Variants in TRPC5 observed in about 807,000 individuals in gnomAD.
The protein encoded by TRPC5 is short transient receptor potential channel 5.
A neutral mutation model predicts 56.5 loss-of-function variants in TRPC5; 9 were observed. The ratio of observed to expected loss-of-function variants is 0.16; its 90% CI spans 0.10 to 0.28. TRPC5 has a LOEUF of 0.28. TRPC5 is among the 10% of genes least tolerant of loss of function. TRPC5 has a pLI of 1.00. For synonymous variants in TRPC5, 282 were observed against 278.5 expected (o/e 1.01, Z -0.13); for missense variants, 469 against 748.9 (o/e 0.63, Z 4.36).
chrX:112,030,172 A>G (rs1472289413), intron 1 of TRPC5, among the ~76,000 whole-genome samples: 1 of 112,636 alleles, frequency 8.9e-6, no homozygotes, highest in African/African-American at 3.2e-5. Context: ...ACAGAGTAGA[A>G]TTTTATGTGA....
chrX:111,886,310 C>T (rs909289592), intron 3 of TRPC5, among the ~76,000 whole-genome samples: 4 of 112,073 alleles, frequency 3.6e-5, no homozygotes, highest in Non-Finnish European at 5.6e-5. Context: ...TTCTTCCATC[C>T]GGCCTACTTC....
chrX:111,871,392 A>G (rs750266018), intron 3 of TRPC5, among the ~76,000 whole-genome samples: 2 of 110,630 alleles, frequency 1.8e-5, no homozygotes, highest in East Asian at 5.7e-4. Context: ...GTAGTGTGGT[A>G]GGGTTAGGAG....
intron 1 of TRPC5, among the ~76,000 whole-genome samples, chrX:112,022,998 G>T (rs767998346): frequency 3.7e-4 from 41 of 110,432 alleles, no homozygotes; most frequent in Admixed American, 8.6e-4. Context: ...GCAGTGGCGC[G>T]ATCTCGGCTC....
At chrX:111,923,311 T>C (rs1435491871) in intron 2 of TRPC5, among the ~76,000 whole-genome samples, 4 of 112,215 alleles carry the variant, frequency 3.6e-5, no homozygotes, top group Non-Finnish European at 7.5e-5. Flanking sequence ...AAACATTACA[T>C]AACATTGTTT....
intron 1 of TRPC5, among the ~76,000 whole-genome samples, chrX:112,048,973 G>A (rs1238739922): frequency 8.9e-6 from 1 of 112,219 alleles, no homozygotes; most frequent in African/African-American, 3.2e-5. Flanking sequence ...AGCTAAGGGA[G>A]CCTTTCTGCC....
chrX:111,847,210 A>G lies in TRPC5; in HGVS notation c.1604T>C (p.Leu535Pro). 8.3e-7 allele frequency: 1 copy of G among 1,211,924 alleles called. No homozygotes were observed. Residue 535 changes from leucine (L) to proline (P), a missense_variant, in exon 6 of 11, where the codon CTG (leucine) becomes CCG (proline). By Grantham distance (98) the Leu-to-Pro change is moderately conservative. This residue lies in a region of TRPC5 where 157 missense variants were observed against 360.0 expected (regional missense o/e 0.44). Transcript: ENST00000262839. ...TTCATAATAGAAGTAAAGCTGGTTC[A>G]GTCCATTGGCAAAAGCTAGTAGTAC... Reference protein sequence around the residue: ...CLVLLAFANGLNQLYFYYETR... With the variant: ...CLVLLAFANGPNQLYFYYETR...
At chrX:112,050,844 T>C (rs913124841) in intron 1 of TRPC5, among the ~76,000 whole-genome samples, 3 of 112,423 alleles carry the variant, frequency 2.7e-5, no homozygotes, top group Admixed American at 9.4e-5. Flanking sequence ...GCCCATCAGC[T>C]GGGCAAGACA....
intron 1 of TRPC5, among the ~76,000 whole-genome samples, chrX:112,024,427 C>G (rs1929363817): frequency 8.9e-6 from 1 of 111,773 alleles, no homozygotes; most frequent in Non-Finnish European, 1.9e-5. Flanking sequence ...GGACATCAGT[C>G]TTTTCCTACC....
At chrX:111,944,292 GTGTGTGTGT>G in intron 2 of TRPC5, among the ~76,000 whole-genome samples, 1 of 87,413 alleles carries the variant, frequency 1.1e-5, no homozygotes, top group South Asian at 5.3e-4. Flanking sequence ...GTGTGTGTGT[GTGTGTGTGT>G]GTGAGAGAGA....
intron 3 of TRPC5, among the ~76,000 whole-genome samples, chrX:111,868,915 C>T (rs915339246): frequency 9.0e-6 from 1 of 111,445 alleles, no homozygotes; most frequent in African/African-American, 3.3e-5. Flanking sequence ...AGAAGATAGT[C>T]CGGTTGTGTG....
intron 2 of TRPC5, chrX:111,931,087 T>C (rs12012995): frequency 0.27 from 29,783 of 110,628 alleles, 5,016 homozygotes; most frequent in African/African-American, 0.63. Flanking sequence ...CAGTGTTGTG[T>C]CTAGCTTTGG....
intron 2 of TRPC5, among the ~76,000 whole-genome samples, chrX:111,943,597 G>T (rs1184484143): frequency 1.8e-5 from 2 of 112,551 alleles, no homozygotes; most frequent in Non-Finnish European, 3.7e-5. Flanking sequence ...GGCGGGCCAT[G>T]GGGAGAAGGT....
At chrX:111,903,038 C>T (rs982440897) in intron 3 of TRPC5, 6 of 111,907 alleles carry the variant, frequency 5.4e-5, no homozygotes, top group African/African-American at 1.9e-4. Context: ...CCTTAGGCAT[C>T]AAAGCAGGAA....
rs771507460 is a variant in TRPC5, at chrX:112,029,449, C to A, written c.-22+52430G>T. Among the ~76,000 whole-genome samples, 156 of 111,565 alleles carry A rather than the reference C, an allele frequency of 1.4e-3. 1 individual carries two copies. Among genetic ancestry groups the A allele is most frequent in the Middle Eastern group, 4.6e-3 (1 of 216 alleles). On this transcript the variant is annotated intron_variant, in intron 1 of 10. Transcript: ENST00000262839. Reference sequence around the variant, plus strand: ...TTGGCTATCGCTAATAGTGCTGCAACAATCATGGGAGTGCAGGCATCTGTT... The same window carrying A: ...TTGGCTATCGCTAATAGTGCTGCAAAAATCATGGGAGTGCAGGCATCTGTT...
intron 1 of TRPC5, among the ~76,000 whole-genome samples, chrX:112,058,651 T>G (rs1207133271): frequency 1.2e-4 from 13 of 112,235 alleles, no homozygotes; most frequent in Non-Finnish European, 5.6e-5. Flanking sequence ...CATCTTGCCA[T>G]ATACTCTCAT....
At chrX:111,962,313 CT>C (rs1472757648) in intron 1 of TRPC5, among the ~76,000 whole-genome samples, 2 of 112,344 alleles carry the variant, frequency 1.8e-5, no homozygotes, top group Non-Finnish European at 3.8e-5. Context: ...GTCCCTTCCC[CT>C]CTCATATAGT....
rs1945881219 is a variant in TRPC5 at position 111,776,667 on chromosome X, C to T, written c.2568G>A (p.Met856Ile). The T allele has an allele frequency of 1.7e-6, 2 of 1,211,521 alleles. No individual in the cohort carries two copies. The highest frequency in any genetic ancestry group is 3.5e-5 in the African/African-American group (2 of 57,767). Reference sequence around the variant, plus strand: ...ACATTGGCTCTGAACTGGGTTCAGACATATGACCATTAAATTTGGAGAATA... The same window carrying T: ...ACATTGGCTCTGAACTGGGTTCAGATATATGACCATTAAATTTGGAGAATA... Reference protein sequence around the residue: ...GLLFSKFNGHMSEPSSEPMYT... With the variant: ...GLLFSKFNGHISEPSSEPMYT... Residue 856 changes from methionine (M) to isoleucine (I), a missense_variant, in exon 11 of 11, where the codon ATG becomes ATA. This residue lies in a region of TRPC5 where 194 missense variants were observed against 221.8 expected (regional missense o/e 0.87). Transcript: ENST00000262839.
chrX:111,952,127 A>G lies in TRPC5; in HGVS notation c.294T>C (p.Asp98=). 1 of 1,212,320 alleles carries G rather than the reference A, an allele frequency of 8.2e-7. No individual in the cohort carries two copies. Among genetic ancestry groups the G allele is most frequent in the South Asian group, 1.8e-5 (1 of 57,032 alleles). Residue 98 remains aspartate (D), a synonymous_variant, in exon 2 of 11, where the codon GAT becomes GAC. Transcript: ENST00000262839. ...LLLNHSVYVG[D]ALLYAIRKEV... The stretch of plus-strand genomic sequence containing the variant: ...CCTTGCGTATGGCATAGAGCAATGC[A>G]TCACCCACATACACGCTGTGGTTCA...
In TRPC5 at chrX:111,991,652, T is replaced by G. The variant is rs374930897; in HGVS notation, c.-21-39211A>C. Among the ~76,000 whole-genome samples, 6 of 112,320 alleles carry G rather than the reference T, an allele frequency of 5.3e-5. No individual in the cohort carries two copies. The East Asian group carries it at 1.4e-3, about 26-fold the overall frequency. On this transcript the variant is annotated intron_variant, in intron 1 of 10. Coordinates refer to ENST00000262839, the MANE Select transcript of TRPC5 (RefSeq NM_012471.3). ...CCCTTTAGGGCTCCTGCACATCATT[T>G]TCTAAAAACCTGGCAGCAATCTATC...
Sources: allele counts gnomAD v4.1 joint callset (sites outside exome capture counted in the v4.1 genomes callset), GRCh38; gene constraint gnomAD v4.1.1; regional missense constraint gnomAD v4.1.1; transcripts MANE v1.5; gene names NCBI Gene and HGNC (gene_info 2026-07-23, HGNC 2026-07-21).